The following PYCR1 variants were observed in gnomAD, a reference collection of about 807,000 sequenced individuals.
The protein encoded by PYCR1 is pyrroline-5-carboxylate reductase 1, mitochondrial.
PYCR1 carries 19 observed loss-of-function variants against 22.9 expected under a neutral mutation model. The observed-to-expected ratio is 0.83, with a 90% confidence interval of 0.58 to 1.22. The LOEUF (loss-of-function observed/expected upper bound fraction) is 1.22. Among genes scored for constraint, PYCR1 ranks in the 50% most tolerant of loss-of-function variants. PYCR1 has a pLI of 0.00. For missense variants in PYCR1, 429 were observed against 431.3 expected (o/e 0.99, Z 0.05); for synonymous variants, 175 against 180.5 (o/e 0.97, Z 0.24).
chr17:81,932,962 T>TC lies in PYCR1; in HGVS notation c.*251dup, dbSNP rs1598351586. 6.2e-7 allele frequency: 1 copy of TC among 1,611,134 alleles called. No individual in the cohort carries two copies. ...GCTCCCGAGCTCTAGAGGAAGGTGG[T>TC]CCTGACATGGTTTGGGAGCAGAGAA... On this transcript the variant is annotated 3_prime_UTR_variant, in exon 7 of 7. Transcript: ENST00000329875.
In PYCR1 at chr17:81,933,173, G is replaced by A. The variant is rs369589338; in HGVS notation, c.*41C>T. On this transcript the variant is annotated 3_prime_UTR_variant, in exon 7 of 7. Coordinates refer to ENST00000329875, the MANE Select transcript of PYCR1 (RefSeq NM_006907.4). ...CCCCCTAGTCCCCCTAGTGACAAGA[G>A]AAGAGAAGGTGGTGGCAGGATGGTG... The A allele has an allele frequency of 4.0e-5, 64 of 1,610,320 alleles. No homozygotes were observed. The African/African-American group carries it at 7.7e-4, about 19-fold the overall frequency.
chr17:81,933,396 T>C lies in PYCR1; in HGVS notation c.798-20A>G, dbSNP rs1012345765. Reference sequence around the variant, plus strand: ...AGCTCCCTAGAGAGGCAGGGAGAGGTTGGCTTTGGAGCACAAGCGTGCACC... The same window carrying C: ...AGCTCCCTAGAGAGGCAGGGAGAGGCTGGCTTTGGAGCACAAGCGTGCACC... On this transcript the variant is annotated intron_variant, in intron 6 of 6. Coordinates refer to ENST00000329875, the MANE Select transcript of PYCR1 (RefSeq NM_006907.4). 2 of 1,612,576 alleles carry C rather than the reference T, an allele frequency of 1.2e-6. No individual in the cohort carries two copies. Among genetic ancestry groups the C allele is most frequent in the Non-Finnish European group, 1.7e-6 (2 of 1,179,722 alleles).
intron 6 of PYCR1, 32 bp from the exon 7 acceptor site, chr17:81,933,408 C>T (rs1163133455): frequency 1.9e-6 from 3 of 1,611,298 alleles, no homozygotes; most frequent in Admixed American, 1.7e-5. Context: ...GGCTTTGGAG[C>T]ACAAGCGTGC....
Position 81,934,687 on chromosome 17 carries a change from C to T in PYCR1, c.599G>A (p.Arg200His), listed in dbSNP as rs768510869. ...CTGGGCCCCGAGGCGGACTGCCAGG[C>T]GCCTTGGAAGTCCCATCTTCACACC... ...DGGVKMGLPR[R>H]LAVRLGAQAL... The change falls in exon 5 of 7, where the codon CGC (arginine) becomes CAC (histidine). Residue 200 changes from arginine (R) to histidine (H), a missense_variant. Arg to His is a conservative substitution (Grantham distance 29). Transcript: ENST00000329875. 9.4e-5 allele frequency: 148 copies of T among 1,573,284 alleles called. No individual in the cohort carries two copies. Among genetic ancestry groups the T allele is most frequent in the Admixed American group, 1.3e-4 (7 of 54,368 alleles).
chr17:81,933,253 C>A lies in PYCR1; in HGVS notation c.921G>T (p.Lys307Asn). 1 of 1,614,058 alleles carries A rather than the reference C, an allele frequency of 6.2e-7. No individual in the cohort carries two copies. The highest frequency in any genetic ancestry group is 8.5e-7 in the Non-Finnish European group (1 of 1,180,014). ...GTALSPSGHT[K>N]LLPRSLAPAG... Reference sequence around the variant, plus strand: ...CTGGGGCCAGGCTGCGGGGGAGCAGCTTGGTGTGGCCAGAAGGTGACAGAG... The same window carrying A: ...CTGGGGCCAGGCTGCGGGGGAGCAGATTGGTGTGGCCAGAAGGTGACAGAG... Residue 307 changes from lysine (K) to asparagine (N), a missense_variant, in exon 7 of 7, where the codon AAG becomes AAT. By Grantham distance (94) the Lys-to-Asn change is moderately conservative. Coordinates refer to ENST00000329875, the MANE Select transcript of PYCR1 (RefSeq NM_006907.4).
chr17:81,932,773 CG>C lies in PYCR1; in HGVS notation c.*440del. Reference sequence around the variant, plus strand: ...CCTGGACCCTCTGGCCCTTCTCACACGGGAAGGAGAGGTTTCTCCCTGAATG... The same window carrying C: ...CCTGGACCCTCTGGCCCTTCTCACACGGAAGGAGAGGTTTCTCCCTGAATG... On this transcript the variant is annotated 3_prime_UTR_variant, in exon 7 of 7. Coordinates refer to ENST00000329875, the MANE Select transcript of PYCR1 (RefSeq NM_006907.4). 1 of 1,448,742 alleles carries C rather than the reference CG, an allele frequency of 6.9e-7. No individual in the cohort carries two copies. The highest frequency in any genetic ancestry group is 9.4e-7 in the Non-Finnish European group (1 of 1,068,434). The allele number at this position is 1,448,742 out of a possible 1,614,324, so 89.7% of individuals were successfully genotyped here.
intron 1 of PYCR1, 76 bp downstream of exon 1, chr17:81,936,672 A>G (rs560639658): frequency 1.3e-6 from 2 of 1,494,292 alleles, no homozygotes; most frequent in East Asian, 4.9e-5. Context: ...ACCCACCTTC[A>G]GCCCCCAGCC....
chr17:81,933,246 G>T lies in PYCR1; in HGVS notation c.928C>A (p.Pro310Thr). ...LSPSGHTKLLPRSLAPAGKD is the reference protein window; with the variant it reads ...LSPSGHTKLLTRSLAPAGKD Reference sequence around the variant, plus strand: ...TTGCCCGCTGGGGCCAGGCTGCGGGGGAGCAGCTTGGTGTGGCCAGAAGGT... The same window carrying T: ...TTGCCCGCTGGGGCCAGGCTGCGGGTGAGCAGCTTGGTGTGGCCAGAAGGT... Residue 310 changes from proline to threonine, a missense_variant, in exon 7 of 7, where the codon CCC becomes ACC. Physicochemically the swap from Pro to Thr is conservative, Grantham distance 38. Transcript: ENST00000329875. 1 of 1,614,038 alleles carries T rather than the reference G, an allele frequency of 6.2e-7. No homozygotes were observed. Among genetic ancestry groups the T allele is most frequent in the South Asian group, 1.1e-5 (1 of 91,084 alleles).
At position 81,934,986 on chromosome 17, in the gene PYCR1, C is replaced by T. The variant is rs751721418; in HGVS notation, c.480G>A (p.Thr160=). 56 of 1,609,742 alleles carry T rather than the reference C, an allele frequency of 3.5e-5. No individual in the cohort carries two copies. The East Asian group carries it at 4.0e-4, about 12-fold the overall frequency. The change falls in exon 4 of 7, where the codon ACG becomes ACA. Residue 160 remains threonine, a synonymous_variant. Coordinates refer to ENST00000329875, the MANE Select transcript of PYCR1 (RefSeq NM_006907.4). ...EQLLSSVGFC[T]EVEEDLIDAV... ...CATCAATCAGGTCCTCTTCCACCTCCGTGCAGAAGCCCACGCTGCTCAGCA... is the reference window on the plus strand; with the variant it reads ...CATCAATCAGGTCCTCTTCCACCTCTGTGCAGAAGCCCACGCTGCTCAGCA...
chr17:81,934,012 A>G (rs1368860458), intron 6 of PYCR1, among the ~76,000 whole-genome samples: 1 of 152,168 alleles, frequency 6.6e-6, no homozygotes, highest in African/African-American at 2.4e-5. Context: ...GTGGCTGGCC[A>G]CCCCGCCACC....
At chr17:81,936,700 G>T in intron 1 of PYCR1, 48 bp downstream of exon 1, 1 of 1,557,358 alleles carries the variant, frequency 6.4e-7, no homozygotes, top group Non-Finnish European at 8.7e-7. Context: ...AGTGGAAAGA[G>T]GCCAGTCTCT....
Position 81,932,418 on chromosome 17 carries a change from A to C in PYCR1, c.*796T>G. 1 of 226,664 alleles carries C rather than the reference A, an allele frequency of 4.4e-6. No individual in the cohort carries two copies. Among genetic ancestry groups the C allele is most frequent in the Non-Finnish European group, 8.9e-6 (1 of 111,990 alleles). The allele number at this position is 226,664 out of a possible 1,614,324, so 14.0% of individuals were successfully genotyped here. A position where few individuals can be genotyped will look rare whatever the true frequency, so the allele number is the denominator to read the frequency against. ...AGATTACATTGACATTTTAATCAGTAAGGCAGATGCCCTCCAAGATGTGGG... is the reference window on the plus strand; with the variant it reads ...AGATTACATTGACATTTTAATCAGTCAGGCAGATGCCCTCCAAGATGTGGG... On this transcript the variant is annotated 3_prime_UTR_variant, in exon 7 of 7. Transcript: ENST00000329875.
chr17:81,936,294 C>T (rs1598357713), intron 1 of PYCR1, 101 bp from the exon 2 acceptor site: 15 of 1,146,944 alleles, frequency 1.3e-5, no homozygotes, highest in East Asian at 2.8e-5. Context: ...GGCGCAATCT[C>T]GGCTCACTGC....
Position 81,934,403 on chromosome 17 carries a change from A to G in PYCR1, c.720T>C (p.His240=), listed in dbSNP as rs1230704136. The G allele has an allele frequency of 6.2e-7, 1 of 1,612,470 alleles. No homozygotes were observed. The highest frequency in any genetic ancestry group is 1.1e-5 in the South Asian group (1 of 90,774). The change falls in exon 6 of 7, where the codon CAT becomes CAC. Residue 240 remains histidine, a synonymous_variant. Transcript: ENST00000329875. ...NVSSPGGATI[H]ALHVLESGGF... ...CCCCACTCTCCAGCACATGCAAGGC[A>G]TGGATGGTGGCCCCACCAGGAGAGC...
intron 3 of PYCR1, 77 bp from the exon 4 acceptor site, chr17:81,935,224 A>G (rs1030243943): frequency 1.3e-6 from 2 of 1,565,000 alleles, no homozygotes; most frequent in African/African-American, 1.4e-5. Flanking sequence ...GCAGTGCCCG[A>G]GCTCTCCCAG....
rs1465037166 is a variant in PYCR1, at chr17:81,934,442, G to C, written c.681C>G (p.Leu227=). The change falls in exon 6 of 7, where the codon CTC becomes CTG. Residue 227 remains leucine, a synonymous_variant. Coordinates refer to ENST00000329875, the MANE Select transcript of PYCR1 (RefSeq NM_006907.4). ...CACCAGGAGAGCTGACGTTGTCCTTGAGCTGGCCTGGGTGCTGTTCTGAGT... is the reference window on the plus strand; with the variant it reads ...CACCAGGAGAGCTGACGTTGTCCTTCAGCTGGCCTGGGTGCTGTTCTGAGT... ...LLHSEQHPGQ[L]KDNVSSPGGA... is the part of the protein sequence containing the mutation. 1 of 1,610,434 alleles carries C rather than the reference G, an allele frequency of 6.2e-7. No individual in the cohort carries two copies. Among genetic ancestry groups the C allele is most frequent in the Non-Finnish European group, 8.5e-7 (1 of 1,179,246 alleles).
At chr17:81,935,888 G>A (rs575655134) in intron 2 of PYCR1, among the ~76,000 whole-genome samples, 12 of 152,238 alleles carry the variant, frequency 7.9e-5, no homozygotes, top group African/African-American at 2.4e-4. Flanking sequence ...AGGACCCCTC[G>A]AAACTTTAAC....
chr17:81,932,956 A>G lies in PYCR1; in HGVS notation c.*258T>C, dbSNP rs778660174. On this transcript the variant is annotated 3_prime_UTR_variant, in exon 7 of 7. Coordinates refer to ENST00000329875, the MANE Select transcript of PYCR1 (RefSeq NM_006907.4). ...CTCCGGGCTCCCGAGCTCTAGAGGAAGGTGGTCCTGACATGGTTTGGGAGC... is the reference window on the plus strand; with the variant it reads ...CTCCGGGCTCCCGAGCTCTAGAGGAGGGTGGTCCTGACATGGTTTGGGAGC... The G allele has an allele frequency of 6.2e-7, 1 of 1,611,654 alleles. No individual in the cohort carries two copies. Among genetic ancestry groups the G allele is most frequent in the South Asian group, 1.1e-5 (1 of 90,706 alleles).
chr17:81,933,456 C>T, intron 6 of PYCR1, 80 bp from the exon 7 acceptor site: 2 of 1,542,514 alleles, frequency 1.3e-6, no homozygotes, highest in Non-Finnish European at 1.8e-6. Flanking sequence ...GCTCCCAGTG[C>T]CAGTCAGCCC....
Sources: allele counts gnomAD v4.1 joint callset (sites outside exome capture counted in the v4.1 genomes callset), GRCh38; gene constraint gnomAD v4.1.1; transcripts MANE v1.5; gene names NCBI Gene and HGNC (gene_info 2026-07-23, HGNC 2026-07-21).